MYO3B: variants seen among roughly 807,000 people sequenced by gnomAD.
The protein encoded by MYO3B is myosin IIIB, also known as myosin-IIIb.
A neutral mutation model predicts 174.6 loss-of-function variants in MYO3B; 156 were observed. That is an observed-to-expected ratio of 0.89 (90% confidence interval 0.78 to 1.02). The LOEUF (loss-of-function observed/expected upper bound fraction) is 1.02. MYO3B is among the 50% of genes least tolerant of loss of function. MYO3B has a pLI of 0.00. For synonymous variants in MYO3B, 563 were observed against 569.1 expected (o/e 0.99, Z 0.15); for missense variants, 1,632 against 1,639.4 (o/e 1.00, Z 0.08).
At position 170,654,930 on chromosome 2, in the gene MYO3B, T is replaced by C. The variant is rs1252320927; in HGVS notation, c.*1809T>C. 6.6e-6 allele frequency: 1 copy of C among 152,168 alleles called. No homozygotes were observed. The highest frequency in any genetic ancestry group is 1.5e-5 in the Non-Finnish European group (1 of 68,034). The allele number at this position is 152,168 out of a possible 1,614,324, so 9.4% of individuals were successfully genotyped here. On this transcript the variant is annotated 3_prime_UTR_variant, in exon 35 of 35. Coordinates refer to ENST00000408978, the MANE Select transcript of MYO3B (RefSeq NM_138995.5). The stretch of plus-strand genomic sequence containing the variant: ...ATGCAGATAAATTTTATTTTATTGT[T>C]TAAAAAATAATGTGTAGAATATATA...
At chr2:170,385,524 A>G (rs959864990) in intron 12 of MYO3B, among the ~76,000 whole-genome samples, 2 of 152,190 alleles carry the variant, frequency 1.3e-5, no homozygotes, top group Admixed American at 6.5e-5. Context: ...TACCACATCC[A>G]CTAATTTCCT....
chr2:170,455,844 C>T (rs1683876047), intron 23 of MYO3B, among the ~76,000 whole-genome samples: 1 of 152,196 alleles, frequency 6.6e-6, no homozygotes, highest in African/African-American at 2.4e-5. Context: ...TCAGCTCCAA[C>T]TGACTTACAT....
At chr2:170,485,033 G>T (rs1685944947) in intron 25 of MYO3B, among the ~76,000 whole-genome samples, 1 of 151,988 alleles carries the variant, frequency 6.6e-6, no homozygotes, top group African/African-American at 2.4e-5. Flanking sequence ...GGTGGTCATT[G>T]ATATACATTG....
intron 32 of MYO3B, among the ~76,000 whole-genome samples, chr2:170,609,329 C>T (rs1694999924): frequency 6.6e-6 from 1 of 152,156 alleles, no homozygotes; most frequent in Non-Finnish European, 1.5e-5. Flanking sequence ...ACGTACATGT[C>T]ATACAAGCAG....
intron 25 of MYO3B, among the ~76,000 whole-genome samples, chr2:170,475,287 G>T (rs1178331467): frequency 6.6e-6 from 1 of 152,134 alleles, no homozygotes; most frequent in African/African-American, 2.4e-5. Flanking sequence ...GCCCTGCTCT[G>T]CTGCCTAGGC....
At position 170,214,482 on chromosome 2, in the gene MYO3B, T is replaced by A; in HGVS notation, c.425T>A (p.Leu142Ter). The change falls in exon 4 of 35, where the codon TTG (leucine) becomes TAG (stop). Residue 142 changes from leucine to a stop codon, truncating the protein, a stop_gained and splice_region_variant. Coordinates refer to ENST00000408978, the MANE Select transcript of MYO3B (RefSeq NM_138995.5). LOFTEE classifies it high-confidence loss of function. Reference sequence around the variant, plus strand: ...TCATACATCTTGTACGGGGCCCTCTTGGTAAGAACATCTATCAAATGGGGT... The same window carrying A: ...TCATACATCTTGTACGGGGCCCTCTAGGTAAGAACATCTATCAAATGGGGT... Reference protein sequence around the residue: ...MISYILYGALLGLQHLHNNRI... With the variant: ...MISYILYGAL 1.2e-6 allele frequency: 2 copies of A among 1,613,798 alleles called. No individual in the cohort carries two copies. Among genetic ancestry groups the A allele is most frequent in the Non-Finnish European group, 1.7e-6 (2 of 1,179,710 alleles).
chr2:170,327,882 A>G (rs1306181789), intron 7 of MYO3B, among the ~76,000 whole-genome samples: 3 of 101,332 alleles, frequency 3.0e-5, no homozygotes, highest in East Asian at 3.8e-4. Flanking sequence ...TATACACTAT[A>G]TATAGTATAT....
chr2:170,229,560 TA>T (rs1465132249), intron 6 of MYO3B, among the ~76,000 whole-genome samples: 1 of 152,220 alleles, frequency 6.6e-6, no homozygotes, highest in African/African-American at 2.4e-5. Flanking sequence ...TTAAGTTTGA[TA>T]AATTATTTCT....
chr2:170,519,609 G>A, intron 30 of MYO3B, 69 bp downstream of exon 30: 1 of 1,232,904 alleles, frequency 8.1e-7, no homozygotes, highest in Non-Finnish European at 1.2e-6. Flanking sequence ...TAATGAAATG[G>A]TAATGGATAA....
chr2:170,637,027 G>T (rs1245637193), intron 32 of MYO3B, among the ~76,000 whole-genome samples: 1 of 151,270 alleles, frequency 6.6e-6, no homozygotes, highest in Non-Finnish European at 1.5e-5. Flanking sequence ...AATATCACTT[G>T]TATAACACAG....
intron 9 of MYO3B, among the ~76,000 whole-genome samples, chr2:170,380,943 C>G (rs77323609): frequency 6.6e-6 from 1 of 152,240 alleles, no homozygotes; most frequent in South Asian, 2.1e-4. Context: ...AAGCAAAACT[C>G]CATCTCTACA....
At chr2:170,324,832 C>T (rs1335719198) in intron 7 of MYO3B, among the ~76,000 whole-genome samples, 1 of 152,230 alleles carries the variant, frequency 6.6e-6, no homozygotes. Context: ...CTTCTGTGGC[C>T]TTTGGCTCTC....
At chr2:170,478,200 A>C (rs1397872114) in intron 25 of MYO3B, among the ~76,000 whole-genome samples, 5 of 152,142 alleles carry the variant, frequency 3.3e-5, no homozygotes, top group African/African-American at 1.2e-4. Flanking sequence ...GGAGAACAGG[A>C]CTGGGGCACA....
intron 7 of MYO3B, among the ~76,000 whole-genome samples, chr2:170,306,327 A>C (rs983671858): frequency 2.6e-5 from 4 of 152,238 alleles, no homozygotes; most frequent in African/African-American, 9.6e-5. Context: ...GAGTGAGGGC[A>C]TAGACCCCCA....
intron 30 of MYO3B, among the ~76,000 whole-genome samples, chr2:170,541,798 A>G (rs1209406790): frequency 6.6e-6 from 1 of 152,216 alleles, no homozygotes; most frequent in African/African-American, 2.4e-5. Context: ...TGTAGCTTAC[A>G]TTCCATTGTG....
intron 25 of MYO3B, among the ~76,000 whole-genome samples, chr2:170,473,144 T>C (rs867976104): frequency 1.2e-4 from 13 of 108,762 alleles, no homozygotes; most frequent in South Asian, 3.5e-4. Context: ...CTTTTCTTTT[T>C]TTTTTTTTTT....
intron 25 of MYO3B, 80 bp from the exon 26 acceptor site, chr2:170,498,512 T>C (rs1263008287): frequency 4.5e-6 from 4 of 892,592 alleles, no homozygotes; most frequent in Non-Finnish European, 7.2e-6. Flanking sequence ...AAACAAGGTG[T>C]GTCAATGGTC....
chr2:170,472,029 TA>T (rs1439262497), intron 25 of MYO3B, among the ~76,000 whole-genome samples: 1 of 151,194 alleles, frequency 6.6e-6, no homozygotes, highest in Admixed American at 6.6e-5. Context: ...AACTTGACCA[TA>T]AATTTAAGGG....
At chr2:170,241,734 A>G (rs2093136357) in intron 7 of MYO3B, among the ~76,000 whole-genome samples, 1 of 151,844 alleles carries the variant, frequency 6.6e-6, no homozygotes, top group Non-Finnish European at 1.5e-5. Flanking sequence ...TTGTGTGTCT[A>G]TTTGAAGAGC....
Sources: allele counts gnomAD v4.1 joint callset (sites outside exome capture counted in the v4.1 genomes callset), GRCh38; gene constraint gnomAD v4.1.1; transcripts MANE v1.5; gene names NCBI Gene and HGNC (gene_info 2026-07-23, HGNC 2026-07-21).